Variants in RPS6KC1 observed in about 807,000 individuals in gnomAD.
The protein encoded by RPS6KC1 is ribosomal protein S6 kinase C1.
In RPS6KC1, 54 loss-of-function variants were observed where a neutral mutation model predicts 103.8. The ratio of observed to expected loss-of-function variants is 0.52; its 90% CI spans 0.42 to 0.65. RPS6KC1 has a LOEUF of 0.65. RPS6KC1 is among the 30% of genes least tolerant of loss of function. The pLI, the probability that RPS6KC1 is intolerant of heterozygous loss-of-function variation, is 0.00. For missense variants in RPS6KC1, 1,151 were observed against 1,253.8 expected (o/e 0.92, Z 1.24); for synonymous variants, 439 against 438.7 (o/e 1.00, Z -0.01).
At chr1:213,431,643 TTGTTTGTGTGTATGTGTG>T in the RPS6KC1 span, among the ~76,000 whole-genome samples, 81 of 141,370 alleles carry the variant, frequency 5.7e-4, no homozygotes, top group Middle Eastern at 3.5e-3. Flanking sequence ...TTGTATTCCA[TTGTTTGTGTGTATGTGTG>T]TGTGTGTGTG....
chr1:213,613,148 T>C, the RPS6KC1 span, among the ~76,000 whole-genome samples: 912 of 152,310 alleles, frequency 6.0e-3, 7 homozygotes, highest in African/African-American at 0.021. Flanking sequence ...CACTGGACCG[T>C]TATTATGAAT....
intron 1 of RPS6KC1, among the ~76,000 whole-genome samples, chr1:213,056,826 G>T (rs1447361860): frequency 6.7e-6 from 1 of 149,870 alleles, no homozygotes; most frequent in Non-Finnish European, 1.5e-5. Context: ...CTCATCTCAG[G>T]TGTCAGCTAT....
the RPS6KC1 span, among the ~76,000 whole-genome samples, chr1:213,396,032 C>A: frequency 6.6e-6 from 1 of 152,108 alleles, no homozygotes; most frequent in South Asian, 2.1e-4. Context: ...ATGGCATTGG[C>A]AAAGGCTTGA....
rs376462037 is a variant in RPS6KC1, at chr1:213,115,990, T to G, written c.379-1327T>G. ...ACTTCCAAGTATGTGGTCAATTTTG[T>G]AATAGGTGTGGTGTGGTGCTGAAAA... On this transcript the variant is annotated intron_variant, in intron 4 of 14. Transcript: ENST00000366960. 7.7e-3 allele frequency among the ~76,000 whole-genome samples: 1,171 copies of G among 151,656 alleles called. 31 individuals carry two copies. The highest frequency in any genetic ancestry group is 0.058 in the South Asian group (273 of 4,682).
At chr1:213,070,724 C>T (rs2078790401) in intron 1 of RPS6KC1, among the ~76,000 whole-genome samples, 1 of 152,174 alleles carries the variant, frequency 6.6e-6, no homozygotes, top group African/African-American at 2.4e-5. Flanking sequence ...CTTTACACAT[C>T]TATTTACATA....
At chr1:213,527,554 A>C in the RPS6KC1 span, among the ~76,000 whole-genome samples, 6 of 152,208 alleles carry the variant, frequency 3.9e-5, no homozygotes, top group African/African-American at 1.4e-4. Flanking sequence ...AAGGAAGCTT[A>C]TATGCTATTG....
chr1:213,200,631 A>G (rs1269171397), intron 8 of RPS6KC1, among the ~76,000 whole-genome samples: 1 of 152,234 alleles, frequency 6.6e-6, no homozygotes, highest in Non-Finnish European at 1.5e-5. Flanking sequence ...AAATTGACAA[A>G]TGGGATCTAT....
chr1:213,744,125 G>C, the RPS6KC1 span, among the ~76,000 whole-genome samples: 47 of 152,028 alleles, frequency 3.1e-4, no homozygotes, highest in Non-Finnish European at 5.3e-4. Flanking sequence ...TGGGGACTTG[G>C]GGGGAAAGGG....
intron 12 of RPS6KC1, among the ~76,000 whole-genome samples, chr1:213,260,941 C>G (rs935517804): frequency 6.6e-6 from 1 of 152,098 alleles, no homozygotes; most frequent in Non-Finnish European, 1.5e-5. Flanking sequence ...TAGTTTCAGC[C>G]GTGGCTTAAA....
the RPS6KC1 span, among the ~76,000 whole-genome samples, chr1:213,350,308 A>G: frequency 6.6e-6 from 1 of 152,214 alleles, no homozygotes; most frequent in Non-Finnish European, 1.5e-5. Context: ...TGTCCATCAC[A>G]TGCATGTGCA....
At chr1:213,065,194 C>T (rs1162412976) in intron 1 of RPS6KC1, among the ~76,000 whole-genome samples, 1 of 151,570 alleles carries the variant, frequency 6.6e-6, no homozygotes, top group South Asian at 2.1e-4. Flanking sequence ...CCAGGCTGGT[C>T]TCGAACTCCT....
At chr1:213,426,764 G>A in the RPS6KC1 span, among the ~76,000 whole-genome samples, 8 of 152,092 alleles carry the variant, frequency 5.3e-5, no homozygotes, top group African/African-American at 7.2e-5. Context: ...GTATTCTTTC[G>A]TAGTCAACAT....
the RPS6KC1 span, among the ~76,000 whole-genome samples, chr1:213,373,904 A>G: frequency 4.6e-5 from 7 of 152,184 alleles, no homozygotes; most frequent in African/African-American, 1.4e-4. Flanking sequence ...CACCGAAACC[A>G]GAAGCTTCCC....
intron 12 of RPS6KC1, among the ~76,000 whole-genome samples, chr1:213,244,093 C>A (rs1022438073): frequency 6.6e-6 from 1 of 151,580 alleles, no homozygotes; most frequent in Admixed American, 6.6e-5. Flanking sequence ...AGCACACTTA[C>A]ATTTTTTTTT....
At chr1:213,349,018 T>C in the RPS6KC1 span, among the ~76,000 whole-genome samples, 1 of 152,214 alleles carries the variant, frequency 6.6e-6, no homozygotes, top group African/African-American at 2.4e-5. Flanking sequence ...GGTGTCTCTT[T>C]CTCAAATCAG....
intron 6 of RPS6KC1, among the ~76,000 whole-genome samples, chr1:213,153,311 G>A (rs897698781): frequency 4.4e-4 from 67 of 151,326 alleles, no homozygotes; most frequent in Middle Eastern, 3.4e-3. Flanking sequence ...AGAGGCAGGG[G>A]CAGGGGCAGG....
At chr1:213,484,592 A>C in the RPS6KC1 span, among the ~76,000 whole-genome samples, 3 of 152,214 alleles carry the variant, frequency 2.0e-5, no homozygotes, top group African/African-American at 7.2e-5. Flanking sequence ...CAGATACGTT[A>C]TACTCTATTC....
At chr1:213,731,370 TC>T in the RPS6KC1 span, 2 of 152,330 alleles carry the variant, frequency 1.3e-5, no homozygotes, top group South Asian at 4.1e-4. Flanking sequence ...CATTTTCCTA[TC>T]CATGATCATG....
At chr1:213,292,168 T>C in the RPS6KC1 span, among the ~76,000 whole-genome samples, 1 of 152,092 alleles carries the variant, frequency 6.6e-6, no homozygotes, top group Non-Finnish European at 1.5e-5. Flanking sequence ...AGTTAATGGA[T>C]GCAGCACACC....
Sources: allele counts gnomAD v4.1 joint callset (sites outside exome capture counted in the v4.1 genomes callset), GRCh38; gene constraint gnomAD v4.1.1; transcripts MANE v1.5; gene names NCBI Gene and HGNC (gene_info 2026-07-23, HGNC 2026-07-21).